GSDME: variants seen among roughly 807,000 people sequenced by gnomAD.
GSDME encodes gasdermin-E.
Under a neutral mutation model 47.5 loss-of-function variants are expected in GSDME, and 44 were observed. The ratio of observed to expected loss-of-function variants is 0.93; its 90% CI spans 0.73 to 1.19. The LOEUF is 1.19. GSDME is among the 50% of genes most tolerant of loss of function. GSDME has a pLI of 0.00. For synonymous variants in GSDME, 258 were observed against 252.8 expected, an observed-to-expected ratio of 1.02 and a Z score of -0.20; for missense variants, 663 against 604.2, an observed-to-expected ratio of 1.10 and a Z score of -1.02.
At chr7:24,748,611 C>A (rs1471774415) in intron 2 of GSDME, among the ~76,000 whole-genome samples, 1 of 152,144 alleles carries the variant, frequency 6.6e-6, no homozygotes, top group Non-Finnish European at 1.5e-5. Flanking sequence ...CGTACTGTAA[C>A]AATACATCTG....
rs17275075 is a variant in GSDME, at chr7:24,705,358, C to G, written c.1183+826G>C. 5,871 of 152,504 alleles carry G rather than the reference C, an allele frequency of 0.038. 158 individuals are homozygous for G. Among genetic ancestry groups the G allele is most frequent in the Non-Finnish European group, 0.057 (3,879 of 68,206 alleles). The allele number at this position is 152,504 out of a possible 1,614,324, so 9.4% of individuals were successfully genotyped here. A position where few individuals can be genotyped will look rare whatever the true frequency, so the allele number is the denominator to read the frequency against. On this transcript the variant is annotated intron_variant, in intron 8 of 9. Coordinates refer to ENST00000645220, the MANE Select transcript of GSDME (RefSeq NM_001127453.2). The surrounding 1 kb of genome is among the most constrained non-coding windows in gnomAD (Gnocchi z 4.1). ...TATTTATCAGCACATAGAGTTGGGA[C>G]AGGCATTCTCTCAGATTAATTCTTT...
At chr7:24,778,037 G>GA in the GSDME span, among the ~76,000 whole-genome samples, 2,890 of 144,642 alleles carry the variant, frequency 0.02, 85 homozygotes, top group African/African-American at 0.069. The surrounding 1 kb of genome is among the most constrained non-coding windows in gnomAD (Gnocchi z 5.6). Flanking sequence ...GGCCGGGAAT[G>GA]AAAAAAAAAA....
the GSDME span, among the ~76,000 whole-genome samples, chr7:24,769,455 T>C: frequency 6.6e-6 from 1 of 152,194 alleles, no homozygotes; most frequent in African/African-American, 2.4e-5. Flanking sequence ...TAACGAGGCC[T>C]GTCTTCAAGA....
chr7:24,760,723 AT>A (rs1412588213), upstream of GSDME, among the ~76,000 whole-genome samples: 1 of 152,244 alleles, frequency 6.6e-6, no homozygotes, highest in African/African-American at 2.4e-5. This position sits in a 1 kb window ranked among gnomAD's most constrained non-coding sequence, Gnocchi z 4.2. Context: ...ATTGATATAT[AT>A]TTTAAAACTG....
the GSDME span, among the ~76,000 whole-genome samples, chr7:24,764,647 C>T: frequency 6.6e-6 from 1 of 152,218 alleles, no homozygotes; most frequent in Admixed American, 6.5e-5. This position sits in a 1 kb window ranked among gnomAD's most constrained non-coding sequence, Gnocchi z 4.4. Context: ...CCAACTAAGA[C>T]ATGGCTGTTT....
At chr7:24,706,144 A>G (rs753715848) in intron 8 of GSDME, 40 bp downstream of exon 8, 5 of 1,608,804 alleles carry the variant, frequency 3.1e-6, no homozygotes, top group South Asian at 1.1e-5. Flanking sequence ...AGCATTTTAA[A>G]GCAGCAGCAG....
chr7:24,723,260 G>A (rs1288098375), intron 3 of GSDME, among the ~76,000 whole-genome samples: 1 of 152,134 alleles, frequency 6.6e-6, no homozygotes, highest in East Asian at 1.9e-4. Context: ...AAGCAATCTC[G>A]GGAGGGAATT....
rs1049262174 is a variant in GSDME, at chr7:24,742,111, G to A, written c.404+2451C>T. Among the ~76,000 whole-genome samples, 1 of 152,200 alleles carries A rather than the reference G, an allele frequency of 6.6e-6. No individual in the cohort carries two copies. Among genetic ancestry groups the A allele is most frequent in the Non-Finnish European group, 1.5e-5 (1 of 68,036 alleles). On this transcript the variant is annotated intron_variant, in intron 3 of 9. Coordinates refer to ENST00000645220, the MANE Select transcript of GSDME (RefSeq NM_001127453.2). This position sits in a 1 kb window ranked among gnomAD's most constrained non-coding sequence, Gnocchi z 4.4. ...CCTGTGTCCAGGCACCTCCAGGAGA[G>A]CAGGCCTCGCTATGCACATGTGCCT...
intron 7 of GSDME, chr7:24,707,896 G>A (rs572056441): frequency 1.7e-6 from 1 of 588,698 alleles, no homozygotes; most frequent in South Asian, 2.3e-5. Flanking sequence ...TAAATTCCTG[G>A]TTTTTTAAGC....
chr7:24,779,352 A>G, the GSDME span, among the ~76,000 whole-genome samples: 1 of 152,158 alleles, frequency 6.6e-6, no homozygotes, highest in East Asian at 1.9e-4. This position sits in a 1 kb window ranked among gnomAD's most constrained non-coding sequence, Gnocchi z 6.0. Context: ...GAGAAGGAAA[A>G]GTTAATCTTA....
chr7:24,755,625 A>G (rs1030090338), intron 1 of GSDME, among the ~76,000 whole-genome samples: 2 of 152,172 alleles, frequency 1.3e-5, no homozygotes, highest in Non-Finnish European at 2.9e-5. Flanking sequence ...CTTTGACTGG[A>G]GGGGATTGAA....
chr7:24,744,344 G>A lies in GSDME; in HGVS notation c.404+218C>T. 1 of 596,598 alleles carries A rather than the reference G, an allele frequency of 1.7e-6. No homozygotes were observed. The highest frequency in any genetic ancestry group is 2.9e-5 in the East Asian group (1 of 34,734). The allele number at this position is 596,598 out of a possible 1,614,324, so 37.0% of individuals were successfully genotyped here. ...ATATTTGCCTGAAGTAACATCCTTT[G>A]AAAGTGCTTCCCAAGTCTCCCCCCA... On this transcript the variant is annotated intron_variant, in intron 3 of 9. Transcript: ENST00000645220. This position sits in a 1 kb window ranked among gnomAD's most constrained non-coding sequence, Gnocchi z 4.5.
In GSDME at chr7:24,708,137, A is replaced by C. The variant is rs772165478; in HGVS notation, c.980T>G (p.Leu327Arg). Reference protein sequence around the residue: ...VLFDDELLMVLEPVCDDLVSG... With the variant: ...VLFDDELLMVREPVCDDLVSG... ...TGTCTCAGGGCTCACCACTGGTTCC[A>C]GGACCATGAGTAGTTCATCATCAAA... Residue 327 changes from leucine to arginine, a missense_variant, in exon 7 of 10, where the codon CTG (leucine) becomes CGG (arginine). By Grantham distance (102) the Leu-to-Arg change is moderately radical (BLOSUM62 -2). Transcript: ENST00000645220. 2.5e-6 allele frequency: 4 copies of C among 1,614,172 alleles called. No individual in the cohort carries two copies. The highest frequency in any genetic ancestry group is 3.4e-6 in the Non-Finnish European group (4 of 1,180,018).
chr7:24,719,670 GT>G, intron 3 of GSDME, among the ~76,000 whole-genome samples: 1 of 152,226 alleles, frequency 6.6e-6, no homozygotes, highest in East Asian at 1.9e-4. Flanking sequence ...GCACACACCT[GT>G]AATCCTAGCT....
intron 3 of GSDME, among the ~76,000 whole-genome samples, chr7:24,730,828 A>C (rs1429642044): frequency 1.3e-5 from 2 of 152,200 alleles, no homozygotes; most frequent in African/African-American, 4.8e-5. Context: ...AAAAAAAATA[A>C]AAAAATAAAA....
Position 24,705,943 on chromosome 7 carries a change from G to T in GSDME, c.1183+241C>A. ...CCCACTGTGGCCTTCCCTGGGGGAGGAGGGAGAAGGGCCCTCCGGGAGAGT... is the reference window on the plus strand; with the variant it reads ...CCCACTGTGGCCTTCCCTGGGGGAGTAGGGAGAAGGGCCCTCCGGGAGAGT... On this transcript the variant is annotated intron_variant, in intron 8 of 9. Transcript: ENST00000645220. This position sits in a 1 kb window ranked among gnomAD's most constrained non-coding sequence, Gnocchi z 4.1. The T allele has an allele frequency of 1.7e-6, 1 of 575,404 alleles. No individual in the cohort carries two copies. The highest frequency in any genetic ancestry group is 2.0e-5 in the South Asian group (1 of 51,050). The allele number at this position is 575,404 out of a possible 1,614,324, so 35.6% of individuals were successfully genotyped here. A position where few individuals can be genotyped will look rare whatever the true frequency, so the allele number is the denominator to read the frequency against.
chr7:24,722,843 G>A (rs377642556), intron 3 of GSDME, among the ~76,000 whole-genome samples: 33 of 152,230 alleles, frequency 2.2e-4, no homozygotes, highest in African/African-American at 6.8e-4. Flanking sequence ...TGCTGTATCC[G>A]ATGACAGGGC....
intron 7 of GSDME, chr7:24,707,855 T>C (rs1329677045): frequency 5.3e-6 from 3 of 571,398 alleles, no homozygotes; most frequent in African/African-American, 1.9e-5. Flanking sequence ...ACCTAGACTT[T>C]GGACTTTTGG....
At position 24,733,169 on chromosome 7, in the gene GSDME, A is replaced by G. The variant is rs1790199073; in HGVS notation, c.404+11393T>C. On this transcript the variant is annotated intron_variant, in intron 3 of 9. Transcript: ENST00000645220. The surrounding 1 kb of genome is among the most constrained non-coding windows in gnomAD (Gnocchi z 4.3). ...GCCAGACATTTCTAGAAACACCCTGAGCCAGAATGTAACCTCCTGCCTTAA... is the reference window on the plus strand; with the variant it reads ...GCCAGACATTTCTAGAAACACCCTGGGCCAGAATGTAACCTCCTGCCTTAA... 1.3e-5 allele frequency among the ~76,000 whole-genome samples: 2 copies of G among 152,092 alleles called. No homozygotes were observed. Among genetic ancestry groups the G allele is most frequent in the Admixed American group, 1.3e-4 (2 of 15,268 alleles).
Sources: gnomAD v4.1 joint callset for allele counts (sites outside exome capture counted in the v4.1 genomes callset) on GRCh38, gnomAD v4.1.1 for gene constraint, Gnocchi (gnomAD v3.1) non-coding constraint, MANE v1.5 for transcripts, NCBI Gene and HGNC (gene_info 2026-07-23, HGNC 2026-07-21) for gene names.